PBK: variants seen among roughly 807,000 people sequenced by gnomAD.
PBK encodes lymphokine-activated killer T-cell-originated protein kinase.
Under a neutral mutation model 33.5 loss-of-function variants are expected in PBK, and 22 were observed. That is an observed-to-expected ratio of 0.66 (90% CI 0.47 to 0.94). PBK has a LOEUF of 0.94. Among genes scored for constraint, PBK ranks in the 40% least tolerant of loss-of-function variants. The pLI, the probability that PBK is intolerant of heterozygous loss-of-function variation, is 0.00. For missense variants in PBK, 376 were observed against 383.4 expected (o/e 0.98, Z 0.16); for synonymous variants, 129 against 123.8 (o/e 1.04, Z -0.28).
At chr8:27,811,588 A>G (rs996684428) in intron 6 of PBK, among the ~76,000 whole-genome samples, 2 of 152,328 alleles carry the variant, frequency 1.3e-5, no homozygotes, top group East Asian at 3.9e-4. Context: ...AAAGGGACCA[A>G]TCACACATAG....
chr8:27,837,043 A>C (rs1473653767), intron 1 of PBK, among the ~76,000 whole-genome samples: 2 of 151,604 alleles, frequency 1.3e-5, no homozygotes, highest in African/African-American at 4.9e-5. Context: ...ATTCTAAATC[A>C]CAAGGTTCTC....
At chr8:27,819,603 T>C (rs1482367804) in intron 6 of PBK, among the ~76,000 whole-genome samples, 1 of 152,204 alleles carries the variant, frequency 6.6e-6, no homozygotes, top group East Asian at 1.9e-4. Flanking sequence ...TAATTCGAAG[T>C]TTTTTTGTGT....
intron 2 of PBK, among the ~76,000 whole-genome samples, chr8:27,832,842 C>G (rs1252294981): frequency 1.3e-5 from 2 of 152,224 alleles, no homozygotes; most frequent in East Asian, 3.9e-4. Context: ...CAGGGAGAGC[C>G]TCCAAACCTG....
At position 27,828,160 on chromosome 8, in the gene PBK, G is replaced by A. The variant is rs1190217296; in HGVS notation, c.97C>T (p.Pro33Ser). 2 of 1,582,742 alleles carry A rather than the reference G, an allele frequency of 1.3e-6. No individual in the cohort carries two copies. Among genetic ancestry groups the A allele is most frequent in the South Asian group, 1.1e-5 (1 of 89,916 alleles). ...STPTINIPAS[P>S]FMQKLGFGTG... ...CCAAAGCCAAGCTTCTGCATAAACG[G>A]AGAGGCCGGGATATTTATAGTTGGA... Residue 33 changes from proline to serine, a missense_variant, in exon 3 of 8, where the codon CCG (proline) becomes TCG (serine). Transcript: ENST00000301905.
Position 27,823,127 on chromosome 8 carries a change from C to T in PBK, c.231G>A (p.Val77=), listed in dbSNP as rs1373064841. 2 of 1,571,448 alleles carry T rather than the reference C, an allele frequency of 1.3e-6. No individual in the cohort carries two copies. Among genetic ancestry groups the T allele is most frequent in the Non-Finnish European group, 1.8e-6 (2 of 1,142,620 alleles). The change falls in exon 4 of 8, where the codon GTG becomes GTA. Residue 77 remains valine (V), a synonymous_variant. Coordinates refer to ENST00000301905, the MANE Select transcript of PBK (RefSeq NM_018492.4). ...NPICNDHYRS[V]YQKRLMDEAK... is the part of the protein sequence containing the mutation. Reference sequence around the variant, plus strand: ...CTTCATCCATTAGTCTCTTTTGATACACACTTCGATAATGATCATTACATA... The same window carrying T: ...CTTCATCCATTAGTCTCTTTTGATATACACTTCGATAATGATCATTACATA...
At chr8:27,835,833 GCCA>G (rs1039899294) in intron 1 of PBK, among the ~76,000 whole-genome samples, 5 of 152,220 alleles carry the variant, frequency 3.3e-5, no homozygotes, top group Non-Finnish European at 5.9e-5. Context: ...ACAGGCGTGA[GCCA>G]CCACATCCAG....
At chr8:27,815,119 AG>A (rs1432330189) in intron 6 of PBK, among the ~76,000 whole-genome samples, 2 of 152,214 alleles carry the variant, frequency 1.3e-5, no homozygotes, top group Non-Finnish European at 2.9e-5. Flanking sequence ...CCAGAACTGA[AG>A]GAAAGTTCTG....
intron 6 of PBK, among the ~76,000 whole-genome samples, chr8:27,814,219 CAT>C (rs1460742291): frequency 6.6e-6 from 1 of 152,150 alleles, no homozygotes; most frequent in Non-Finnish European, 1.5e-5. Context: ...TCTTAGTAGA[CAT>C]AGGGCTATGT....
In PBK at chr8:27,822,636, A is replaced by T. The variant is rs552397122; in HGVS notation, c.296-148T>A. 1.3e-5 allele frequency: 7 copies of T among 542,170 alleles called. No homozygotes were observed. In the South Asian group the frequency reaches 1.5e-4, roughly 12 times the overall value. 33.6% of individuals were successfully genotyped at this position (542,170 alleles called of 1,614,324 possible). A position where few individuals can be genotyped will look rare whatever the true frequency, so the allele number is the denominator to read the frequency against. On this transcript the variant is annotated intron_variant, in intron 4 of 7. Coordinates refer to ENST00000301905, the MANE Select transcript of PBK (RefSeq NM_018492.4). ...CTACTATTTACAAGACTAATTCAGT[A>T]GATCTCATTTAAAATGCCTTCAGTG...
At chr8:27,822,991 TAA>T in intron 4 of PBK, 70 bp downstream of exon 4, 4 of 941,564 alleles carry the variant, frequency 4.2e-6, no homozygotes, top group Non-Finnish European at 6.7e-6. Context: ...TGAAACCAGT[TAA>T]GAGAGCATAT....
At chr8:27,833,934 A>T (rs1363700079) in intron 1 of PBK, among the ~76,000 whole-genome samples, 1 of 152,230 alleles carries the variant, frequency 6.6e-6, no homozygotes, top group Non-Finnish European at 1.5e-5. Flanking sequence ...AGTCATAAAA[A>T]GGAATAAAGT....
At chr8:27,825,016 A>AT (rs111963987) in intron 3 of PBK, among the ~76,000 whole-genome samples, 1 of 152,024 alleles carries the variant, frequency 6.6e-6, no homozygotes, top group Non-Finnish European at 1.5e-5. Context: ...GCAAATGGAT[A>AT]TTTTTTAGAC....
At chr8:27,825,590 A>G (rs1032794762) in intron 3 of PBK, among the ~76,000 whole-genome samples, 29 of 152,130 alleles carry the variant, frequency 1.9e-4, no homozygotes, top group African/African-American at 6.3e-4. Flanking sequence ...GTTTACTGTC[A>G]GTTGAGAACC....
chr8:27,818,416 G>A (rs1436366181), intron 6 of PBK, among the ~76,000 whole-genome samples: 1 of 152,142 alleles, frequency 6.6e-6, no homozygotes, highest in Non-Finnish European at 1.5e-5. Context: ...AGATATACAA[G>A]GTTCCCTTCT....
intron 2 of PBK, among the ~76,000 whole-genome samples, chr8:27,828,922 G>A (rs542341080): frequency 6.6e-6 from 1 of 152,250 alleles, no homozygotes; most frequent in African/African-American, 2.4e-5. Context: ...GAGCAGTGTT[G>A]TGATGCCTGA....
chr8:27,822,326 C>T lies in PBK; in HGVS notation c.458G>A (p.Gly153Glu). The change falls in exon 5 of 8, where the codon GGG becomes GAG. Residue 153 changes from glycine to glutamate, a missense_variant. Coordinates refer to ENST00000301905, the MANE Select transcript of PBK (RefSeq NM_018492.4). ...ILKVALNMAR[G>E]LKYLHQEKKL... ...ATATAATGACATAGTTACCTTTAAC[C>T]CTCTTGCCATATTCAAAGCAACTTT... 1.2e-6 allele frequency: 2 copies of T among 1,604,000 alleles called. No individual in the cohort carries two copies. The highest frequency in any genetic ancestry group is 1.7e-6 in the Non-Finnish European group (2 of 1,173,866).
intron 3 of PBK, among the ~76,000 whole-genome samples, chr8:27,826,150 G>T (rs565579793): frequency 6.6e-6 from 1 of 152,088 alleles, no homozygotes; most frequent in Non-Finnish European, 1.5e-5. Context: ...ATTCTCAACA[G>T]CAACAGTGTA....
intron 6 of PBK, among the ~76,000 whole-genome samples, chr8:27,817,169 C>T (rs774765480): frequency 2.0e-5 from 3 of 152,004 alleles, no homozygotes; most frequent in Admixed American, 1.3e-4. Context: ...ATTTCCCACA[C>T]GCTTAAAAAT....
intron 6 of PBK, 99 bp downstream of exon 6, chr8:27,820,466 A>T: frequency 2.6e-6 from 2 of 761,024 alleles, no homozygotes; most frequent in Non-Finnish European, 4.3e-6. Flanking sequence ...TATACTTTTT[A>T]AAAATAGTTT....
Sources: gnomAD v4.1 joint callset for allele counts (sites outside exome capture counted in the v4.1 genomes callset) on GRCh38, gnomAD v4.1.1 for gene constraint, MANE v1.5 for transcripts, NCBI Gene and HGNC (gene_info 2026-07-23, HGNC 2026-07-21) for gene names.